Variants in AHRR observed in about 807,000 individuals in gnomAD.
AHRR encodes the protein aryl hydrocarbon receptor repressor, also known as ahR repressor.
Under a neutral mutation model 44.0 loss-of-function variants are expected in AHRR, and 28 were observed. The ratio of observed to expected loss-of-function variants is 0.64; its 90% CI spans 0.47 to 0.87. The LOEUF (loss-of-function observed/expected upper bound fraction) is 0.87, where lower values mean the gene tolerates loss of function less well. AHRR is among the 40% of genes least tolerant of loss of function. The pLI is 0.00. For missense variants in AHRR, 990 were observed against 953.9 expected (o/e 1.04, Z -0.50); for synonymous variants, 434 against 407.0 (o/e 1.07, Z -0.80).
chr5:376,787 C>A (rs1560898485), intron 4 of AHRR, 71 bp downstream of exon 4: 1 of 1,347,928 alleles, frequency 7.4e-7, no homozygotes, highest in South Asian at 1.3e-5. Context: ...CAGGCTCAGT[C>A]ATACTCCGTG....
chr5:426,301 A>AGAAGATGATGGATGGTTGGATAG (rs1736385647), intron 7 of AHRR, among the ~76,000 whole-genome samples: 1 of 145,468 alleles, frequency 6.9e-6, no homozygotes, highest in South Asian at 2.2e-4. Flanking sequence ...TGGATGGATG[A>AGAAGATGATGGATGGTTGGATAG]GAAGATGATG....
chr5:376,549 T>TAAATGA, intron 3 of AHRR, 61 bp from the exon 4 acceptor site: 3 of 1,410,166 alleles, frequency 2.1e-6, no homozygotes, highest in East Asian at 2.4e-5. Context: ...AAGATGTGAA[T>TAAATGA]GAAGAAGAGT....
intron 2 of AHRR, among the ~76,000 whole-genome samples, chr5:352,391 G>A (rs2126391177): frequency 6.6e-6 from 1 of 150,602 alleles, no homozygotes; most frequent in East Asian, 2.0e-4. Context: ...TCAGCTGTAG[G>A]GGATGGTCAC....
At position 432,871 on chromosome 5, in the gene AHRR, C is replaced by A. The variant is rs1348109183; in HGVS notation, c.1036C>A (p.Gln346Lys). Residue 346 changes from glutamine to lysine, a missense_variant, in exon 10 of 11, where the codon CAG becomes AAG. Gln to Lys is a moderately conservative substitution (Grantham distance 53). Transcript: ENST00000684583. ...REQTDAGRWAQVPARAPCLCL... is the reference protein window; with the variant it reads ...REQTDAGRWAKVPARAPCLCL... ...ACAGACTGACGCTGGCCGATGGGCA[C>A]AGGTTCCCGCCAGGGCCCCATGCCT... 1.2e-6 allele frequency: 2 copies of A among 1,613,636 alleles called. No homozygotes were observed. Among genetic ancestry groups the A allele is most frequent in the Admixed American group, 3.3e-5 (2 of 59,996 alleles).
intron 4 of AHRR, among the ~76,000 whole-genome samples, chr5:398,274 GTAGCCCCTGACCATCCGTGT>G (rs2126488221): frequency 1.3e-5 from 2 of 151,002 alleles, no homozygotes; most frequent in East Asian, 4.0e-4. Context: ...GACCATCCAC[GTAGCCCCTGACCATCCGTGT>G]TAGCCCCTGA....
rs144465079 is a variant in AHRR, at chr5:404,564, G to A, written c.352-8780G>A. The A allele has an allele frequency of 5.8e-4, 160 of 277,862 alleles. No individual in the cohort carries two copies. The highest frequency in any genetic ancestry group is 7.7e-4 in the South Asian group (18 of 23,286). 17.2% of individuals were successfully genotyped at this position (277,862 alleles called of 1,614,324 possible). ...GCAGGCGTCCTGGGCCGGGGCAGGC[G>A]ATTGGTACTAAAATGGTAATTTTTA... On this transcript the variant is annotated intron_variant, in intron 4 of 10. Transcript: ENST00000684583. The surrounding 1 kb of genome is among the most constrained non-coding windows in gnomAD (Gnocchi z 4.1).
At chr5:424,161 T>A (rs1193963712) in intron 7 of AHRR, among the ~76,000 whole-genome samples, 184 bp downstream of exon 7, 2 of 140,988 alleles carry the variant, frequency 1.4e-5, no homozygotes, top group African/African-American at 5.5e-5. Context: ...CCCATGTGTC[T>A]CTGGTGGGTG....
At chr5:332,069 C>A (rs1050467902) in intron 1 of AHRR, among the ~76,000 whole-genome samples, 2 of 151,846 alleles carry the variant, frequency 1.3e-5, no homozygotes, top group Non-Finnish European at 2.9e-5. Flanking sequence ...CTTTGTTGAC[C>A]CAGGAGCATA....
chr5:428,028 C>T (rs758853237), intron 8 of AHRR, 22 bp downstream of exon 8: 1 of 1,608,124 alleles, frequency 6.2e-7, no homozygotes, highest in Admixed American at 1.7e-5. Flanking sequence ...TCGCCCTTCA[C>T]AGCCACATGG....
chr5:386,570 A>G (rs1453839236), intron 4 of AHRR, among the ~76,000 whole-genome samples: 2 of 152,230 alleles, frequency 1.3e-5, no homozygotes, highest in Non-Finnish European at 2.9e-5. Context: ...AGCCTCTTGA[A>G]GCTGGGAAAA....
chr5:329,499 C>T (rs1401149136), intron 1 of AHRR, among the ~76,000 whole-genome samples: 1 of 152,174 alleles, frequency 6.6e-6, no homozygotes, highest in Non-Finnish European at 1.5e-5. Flanking sequence ...AGCTACCATG[C>T]CCAGCCTGAG....
chr5:385,426 C>T (rs1356220470), intron 4 of AHRR, among the ~76,000 whole-genome samples: 1 of 152,206 alleles, frequency 6.6e-6, no homozygotes, highest in Non-Finnish European at 1.5e-5. Flanking sequence ...TCTCCTGCCT[C>T]AGCCTCCCAA....
intron 4 of AHRR, among the ~76,000 whole-genome samples, chr5:393,233 G>A (rs1215794602): frequency 1.3e-5 from 2 of 152,288 alleles, no homozygotes; most frequent in Non-Finnish European, 1.5e-5. Flanking sequence ...GCACAGACGC[G>A]TCCTCCGGCC....
intron 4 of AHRR, among the ~76,000 whole-genome samples, chr5:398,661 C>A (rs774928395): frequency 3.3e-5 from 5 of 152,204 alleles, no homozygotes; most frequent in Non-Finnish European, 7.3e-5. Flanking sequence ...AGGCGCCGTG[C>A]GTGCCCCACC....
At chr5:432,558 C>T (rs1475397778) in intron 9 of AHRR, 34 bp downstream of exon 9, 4 of 1,604,178 alleles carry the variant, frequency 2.5e-6, no homozygotes, top group Non-Finnish European at 3.4e-6. Flanking sequence ...ATCTTTTCCA[C>T]ATGGGTAAAA....
intron 4 of AHRR, among the ~76,000 whole-genome samples, chr5:409,487 C>T (rs780272884): frequency 2.4e-4 from 36 of 152,202 alleles, no homozygotes; most frequent in Non-Finnish European, 4.4e-4. Context: ...TGCTGTCGGT[C>T]TTTCTGACAG....
At chr5:410,111 C>A (rs1271228881) in intron 4 of AHRR, among the ~76,000 whole-genome samples, 1 of 152,170 alleles carries the variant, frequency 6.6e-6, no homozygotes, top group African/African-American at 2.4e-5. Flanking sequence ...TTATAGGAAG[C>A]CATGAAGTCA....
chr5:379,771 C>A lies in AHRR; in HGVS notation c.351+3055C>A, dbSNP rs1733907339. ...CATATGTATGATTTATAAATATTTT[C>A]TCGTAGTCTGTGGCTTGTCTTTTTA... On this transcript the variant is annotated intron_variant, in intron 4 of 10. Coordinates refer to ENST00000684583, the MANE Select transcript of AHRR (RefSeq NM_001377236.1). Among the ~76,000 whole-genome samples, 4 of 152,130 alleles carry A rather than the reference C, an allele frequency of 2.6e-5. No homozygotes were observed. The South Asian group carries it at 8.3e-4, about 31-fold the overall frequency.
At position 395,302 on chromosome 5, in the gene AHRR, C is replaced by T. The variant is rs963475496; in HGVS notation, c.352-18042C>T. Among the ~76,000 whole-genome samples the T allele has an allele frequency of 2.0e-5, 3 of 152,154 alleles. No homozygotes were observed. Among genetic ancestry groups the T allele is most frequent in the African/African-American group, 4.8e-5 (2 of 41,412 alleles). ...CAGAGGGGGCCTGGGAGACACGAGCCCCGGTGGTGGGATGCAGTTAGCTGA... is the reference window on the plus strand; with the variant it reads ...CAGAGGGGGCCTGGGAGACACGAGCTCCGGTGGTGGGATGCAGTTAGCTGA... On this transcript the variant is annotated intron_variant, in intron 4 of 10. Coordinates refer to ENST00000684583, the MANE Select transcript of AHRR (RefSeq NM_001377236.1). The surrounding 1 kb of genome is among the most constrained non-coding windows in gnomAD (Gnocchi z 5.3).
Sources: allele counts gnomAD v4.1 joint callset (sites outside exome capture counted in the v4.1 genomes callset), GRCh38; gene constraint gnomAD v4.1.1; non-coding constraint Gnocchi (gnomAD v3.1); transcripts MANE v1.5; gene names NCBI Gene and HGNC (gene_info 2026-07-23, HGNC 2026-07-21).